The following DCC variants were observed in gnomAD, a reference collection of about 807,000 sequenced individuals.
DCC encodes the protein netrin receptor DCC.
DCC carries 58 observed loss-of-function variants against 172.5 expected under a neutral mutation model. The ratio of observed to expected loss-of-function variants is 0.34; its 90% CI spans 0.27 to 0.42. DCC has a LOEUF of 0.42. Ranked by LOEUF, DCC falls within the 10% of genes least tolerant of loss-of-function variation. DCC has a pLI of 1.00. For synonymous variants in DCC, 709 were observed against 644.5 expected, an observed-to-expected ratio of 1.10 and a Z score of -1.52; for missense variants, 1,740 against 1,791.0, an observed-to-expected ratio of 0.97 and a Z score of 0.51.
intron 16 of DCC, among the ~76,000 whole-genome samples, chr18:53,390,942 T>G (rs1422602615): frequency 6.6e-6 from 1 of 152,186 alleles, no homozygotes; most frequent in Non-Finnish European, 1.5e-5. Context: ...ACTTCTACAT[T>G]TTCAAGGGTT....
chr18:53,127,333 G>A (rs1435772660), intron 7 of DCC, among the ~76,000 whole-genome samples: 1 of 151,744 alleles, frequency 6.6e-6, no homozygotes, highest in African/African-American at 2.4e-5. Flanking sequence ...ATGGTCATCA[G>A]GATTATTCGG....
At chr18:52,868,704 G>A (rs1352510915) in intron 2 of DCC, among the ~76,000 whole-genome samples, 1 of 152,178 alleles carries the variant, frequency 6.6e-6, no homozygotes, top group Non-Finnish European at 1.5e-5. Flanking sequence ...AGGCCTGCTG[G>A]GCTCATTCTG....
chr18:53,315,080 A>C (rs2057327562), intron 13 of DCC, among the ~76,000 whole-genome samples: 2 of 152,290 alleles, frequency 1.3e-5, no homozygotes, highest in South Asian at 4.1e-4. Flanking sequence ...CGTCATCTAC[A>C]TTAGGTATTT....
chr18:52,599,826 T>C (rs946021439), intron 1 of DCC, among the ~76,000 whole-genome samples: 4 of 151,622 alleles, frequency 2.6e-5, no homozygotes, highest in African/African-American at 9.8e-5. Flanking sequence ...TCTATAAATA[T>C]TTTAAAAAGC....
chr18:52,629,147 G>C (rs1013066474), intron 1 of DCC, among the ~76,000 whole-genome samples: 2 of 152,200 alleles, frequency 1.3e-5, no homozygotes, highest in African/African-American at 4.8e-5. Flanking sequence ...GGCTTTTCAA[G>C]AATCTCACGG....
intron 9 of DCC, among the ~76,000 whole-genome samples, chr18:53,197,509 G>T (rs2055463647): frequency 7.3e-6 from 1 of 136,332 alleles, no homozygotes. Flanking sequence ...ATTTAAAAAA[G>T]ACTTTAAATA....
intron 2 of DCC, among the ~76,000 whole-genome samples, chr18:52,902,531 G>A (rs935144940): frequency 2.0e-5 from 3 of 152,104 alleles, no homozygotes; most frequent in Non-Finnish European, 4.4e-5. Flanking sequence ...TGAAGCTTGG[G>A]AATCATTTGT....
chr18:52,652,277 C>T (rs1216234876), intron 1 of DCC, among the ~76,000 whole-genome samples: 1 of 152,150 alleles, frequency 6.6e-6, no homozygotes, highest in African/African-American at 2.4e-5. Flanking sequence ...CACTTGGAGA[C>T]TAGGTTGCTG....
chr18:52,580,258 T>G (rs1209761627), intron 1 of DCC, among the ~76,000 whole-genome samples: 1 of 152,136 alleles, frequency 6.6e-6, no homozygotes, highest in Non-Finnish European at 1.5e-5. Flanking sequence ...ACTTTTGTTT[T>G]GTTTGTTTTG....
intron 12 of DCC, among the ~76,000 whole-genome samples, chr18:53,259,154 C>G (rs1176487939): frequency 6.6e-6 from 1 of 152,088 alleles, no homozygotes; most frequent in East Asian, 1.9e-4. Flanking sequence ...TGGGTCTTGA[C>G]TCTTTATCCA....
intron 2 of DCC, among the ~76,000 whole-genome samples, chr18:52,806,131 G>A (rs2038079370): frequency 6.6e-6 from 1 of 152,162 alleles, no homozygotes; most frequent in Admixed American, 6.5e-5. Context: ...AGCTTGCTGT[G>A]ATGGATCATT....
chr18:52,737,430 A>T lies in DCC; in HGVS notation c.92-14624A>T, dbSNP rs190811709. ...GCCTTTATTTCAAGAAGAAAACCAA[A>T]GAAATCTTCATCTTAAATATGTTTT... On this transcript the variant is annotated intron_variant, in intron 1 of 28. Transcript: ENST00000442544. Among the ~76,000 whole-genome samples the T allele has an allele frequency of 1.8e-3, 268 of 152,330 alleles. 1 individual carries two copies. Among genetic ancestry groups the T allele is most frequent in the African/African-American group, 6.1e-3 (253 of 41,566 alleles).
chr18:52,605,521 T>G (rs1207003576), intron 1 of DCC, among the ~76,000 whole-genome samples: 1 of 152,138 alleles, frequency 6.6e-6, no homozygotes, highest in Non-Finnish European at 1.5e-5. Flanking sequence ...TAGAAGAAAT[T>G]TAGAACTCCA....
intron 2 of DCC, among the ~76,000 whole-genome samples, chr18:52,753,373 T>C (rs189779727): frequency 2.9e-4 from 44 of 152,336 alleles, no homozygotes; most frequent in African/African-American, 1.0e-3. Flanking sequence ...CGTAAAGTTA[T>C]GAGATTATTT....
At chr18:52,700,374 C>T (rs2036102455) in intron 1 of DCC, among the ~76,000 whole-genome samples, 1 of 151,398 alleles carries the variant, frequency 6.6e-6, no homozygotes, top group Non-Finnish European at 1.5e-5. Flanking sequence ...CACACATGCA[C>T]ACACATGCAC....
chr18:53,301,785 CTT>C (rs1388974508), intron 12 of DCC, among the ~76,000 whole-genome samples: 2 of 152,092 alleles, frequency 1.3e-5, no homozygotes, highest in Non-Finnish European at 2.9e-5. Flanking sequence ...AATCTTTTCT[CTT>C]TTTTCTACTG....
At chr18:53,225,294 T>A (rs374890635) in intron 12 of DCC, among the ~76,000 whole-genome samples, 3 of 152,068 alleles carry the variant, frequency 2.0e-5, no homozygotes, top group African/African-American at 7.2e-5. Context: ...TAGGAGGTGG[T>A]AGGCTTGAGG....
chr18:52,775,744 C>A (rs62081952), intron 2 of DCC, among the ~76,000 whole-genome samples: 1 of 152,128 alleles, frequency 6.6e-6, no homozygotes, highest in East Asian at 1.9e-4. Context: ...CTCCTCTTGA[C>A]GTCTGGCCGC....
chr18:53,269,112 A>G (rs1218880477), intron 12 of DCC, among the ~76,000 whole-genome samples: 2 of 151,950 alleles, frequency 1.3e-5, no homozygotes, highest in Non-Finnish European at 2.9e-5. Flanking sequence ...GTGTGTGTGC[A>G]TGCACGCGCA....
Sources: allele counts gnomAD v4.1 joint callset (sites outside exome capture counted in the v4.1 genomes callset), GRCh38; gene constraint gnomAD v4.1.1; transcripts MANE v1.5; gene names NCBI Gene and HGNC (gene_info 2026-07-23, HGNC 2026-07-21).